The following AFF1 variants were observed in gnomAD, a reference collection of about 807,000 sequenced individuals.
The protein encoded by AFF1 is ALF transcription elongation factor 1.
A neutral mutation model predicts 121.7 loss-of-function variants in AFF1; 48 were observed. That is an observed-to-expected ratio of 0.39 (90% confidence interval 0.31 to 0.50). The LOEUF is 0.50. AFF1 is among the 20% of genes least tolerant of loss of function. The pLI, the probability that AFF1 is intolerant of heterozygous loss-of-function variation, is 0.76. For synonymous variants in AFF1, 613 were observed against 563.0 expected (o/e 1.09, Z -1.26); for missense variants, 1,523 against 1,511.7 (o/e 1.01, Z -0.12).
At chr4:87,021,649 G>GT (rs1225628342) in intron 2 of AFF1, among the ~76,000 whole-genome samples, 1 of 152,142 alleles carries the variant, frequency 6.6e-6, no homozygotes, top group Non-Finnish European at 1.5e-5. Context: ...AAAACTAATT[G>GT]TAAGTTAATT....
chr4:86,963,674 G>C (rs1010926650), intron 2 of AFF1, among the ~76,000 whole-genome samples: 4 of 151,630 alleles, frequency 2.6e-5, no homozygotes, highest in African/African-American at 9.7e-5. Context: ...AATGATCTCA[G>C]GGTTAATAAT....
At chr4:87,076,003 C>CTA (rs1490402260) in intron 4 of AFF1, among the ~76,000 whole-genome samples, 2 of 152,050 alleles carry the variant, frequency 1.3e-5, no homozygotes, top group African/African-American at 4.8e-5. Context: ...TTACTAAACC[C>CTA]TAGTTCCTGC....
chr4:87,050,479 A>G (rs944042316), intron 4 of AFF1, among the ~76,000 whole-genome samples: 3 of 152,106 alleles, frequency 2.0e-5, no homozygotes, highest in Non-Finnish European at 2.9e-5. Context: ...CTAGCCACCT[A>G]AGTGTGGATT....
rs891936998 is a variant in AFF1 at position 87,109,044 on chromosome 4, C to T, written c.1533+729C>T. Among the ~76,000 whole-genome samples the T allele has an allele frequency of 3.3e-5, 5 of 152,148 alleles. No homozygotes were observed. The East Asian group carries it at 7.7e-4, about 23-fold the overall frequency. ...ACATCTAACAGGGTTGCCAAATAAC[C>T]TCAAAATTTGGGTAGCATTGTAAAA... On this transcript the variant is annotated intron_variant, in intron 11 of 20. Coordinates refer to ENST00000395146, the MANE Select transcript of AFF1 (RefSeq NM_001166693.3).
At position 86,996,736 on chromosome 4, in the gene AFF1, AAAC is replaced by A. The variant is rs533901584; in HGVS notation, c.38+48168_38+48170del. On this transcript the variant is annotated intron_variant, in intron 2 of 20. Coordinates refer to ENST00000395146, the MANE Select transcript of AFF1 (RefSeq NM_001166693.3). ...GAATGATCAATTAAAACAAACAAAC[AAAC>A]AAAAAAACCCACAAATATTTATGTT... Among the ~76,000 whole-genome samples the A allele has an allele frequency of 2.6e-3, 392 of 152,290 alleles. 5 individuals carry two copies. The highest frequency in any genetic ancestry group is 8.2e-3 in the African/African-American group (342 of 41,548).
intron 2 of AFF1, among the ~76,000 whole-genome samples, chr4:87,025,481 C>T (rs1450863964): frequency 1.3e-5 from 2 of 152,182 alleles, no homozygotes; most frequent in African/African-American, 2.4e-5. Context: ...CAGTTCCTTC[C>T]GTCCTGCATT....
intron 2 of AFF1, among the ~76,000 whole-genome samples, chr4:86,990,168 TAA>T (rs765219253): frequency 0.062 from 1,376 of 22,056 alleles, 12 homozygotes; most frequent in Middle Eastern, 0.2. Flanking sequence ...ACTTAAATTA[TAA>T]TAATAATAAT....
At chr4:87,047,702 G>T in intron 4 of AFF1, 108 bp downstream of exon 4, 3 of 1,433,310 alleles carry the variant, frequency 2.1e-6, no homozygotes, top group Non-Finnish European at 2.9e-6. Context: ...TGGCTTTTGG[G>T]TAGGGGGAAT....
chr4:87,134,963 A>G (rs932035585), intron 20 of AFF1, among the ~76,000 whole-genome samples: 1 of 152,236 alleles, frequency 6.6e-6, no homozygotes, highest in Non-Finnish European at 1.5e-5. Context: ...CTCTGCTGTC[A>G]TTACTTCAGC....
intron 2 of AFF1, among the ~76,000 whole-genome samples, chr4:86,961,794 C>G (rs1722169829): frequency 1.3e-5 from 2 of 152,106 alleles, no homozygotes; most frequent in Admixed American, 1.3e-4. Flanking sequence ...TGGTCTGTTA[C>G]AGCATTGCAC....
At chr4:86,971,537 A>G (rs1209809951) in intron 2 of AFF1, among the ~76,000 whole-genome samples, 1 of 152,218 alleles carries the variant, frequency 6.6e-6, no homozygotes, top group African/African-American at 2.4e-5. Context: ...TGTTCCTTGC[A>G]GATGCACTGA....
rs1213306902 is a variant in AFF1 at position 87,137,813 on chromosome 4, A to G, written c.*2112A>G. The G allele has an allele frequency of 8.6e-6, 2 of 231,736 alleles. No homozygotes were observed. Among genetic ancestry groups the G allele is most frequent in the South Asian group, 1.8e-4 (1 of 5,508 alleles). 14.4% of individuals were successfully genotyped at this position (231,736 alleles called of 1,614,324 possible). A position where few individuals can be genotyped will look rare whatever the true frequency, so the allele number is the denominator to read the frequency against. ...TTCTTTTTTCCTTACTCCCTTAGCC[A>G]TCCCCTCCCCTTTTGTCCTATCATT... On this transcript the variant is annotated 3_prime_UTR_variant, in exon 21 of 21. Coordinates refer to ENST00000395146, the MANE Select transcript of AFF1 (RefSeq NM_001166693.3).
intron 4 of AFF1, among the ~76,000 whole-genome samples, chr4:87,049,356 G>T (rs1020818651): frequency 1.3e-5 from 2 of 152,068 alleles, no homozygotes; most frequent in Non-Finnish European, 2.9e-5. Flanking sequence ...TTATAAACCT[G>T]TGTAATTCAG....
chr4:87,002,309 T>G (rs1040454663), intron 2 of AFF1, among the ~76,000 whole-genome samples: 23 of 151,880 alleles, frequency 1.5e-4, no homozygotes, highest in African/African-American at 5.3e-4. Context: ...TTGCCCAGGT[T>G]GGTCTTCAAC....
At chr4:86,940,069 A>G (rs981018231) in intron 1 of AFF1, among the ~76,000 whole-genome samples, 1 of 152,206 alleles carries the variant, frequency 6.6e-6, no homozygotes, top group Non-Finnish European at 1.5e-5. Context: ...CTGTAATTCT[A>G]GCACTTTGGG....
intron 2 of AFF1, among the ~76,000 whole-genome samples, chr4:86,978,579 G>A (rs1723492016): frequency 6.6e-6 from 1 of 152,078 alleles, no homozygotes; most frequent in Admixed American, 6.5e-5. Flanking sequence ...GTCTTGCTCT[G>A]TTGCCCAAGC....
chr4:87,113,534 G>A (rs1726774282), intron 11 of AFF1, among the ~76,000 whole-genome samples: 1 of 152,188 alleles, frequency 6.6e-6, no homozygotes, highest in Non-Finnish European at 1.5e-5. Context: ...GCCTCCCAAA[G>A]CTGGGATTAT....
chr4:87,114,073 TTATAC>T (rs1238714054), intron 11 of AFF1, among the ~76,000 whole-genome samples: 1 of 152,248 alleles, frequency 6.6e-6, no homozygotes, highest in Non-Finnish European at 1.5e-5. Context: ...TCTGTTTAAA[TTATAC>T]TATAATTACC....
chr4:86,953,058 TA>T (rs1156741952), intron 2 of AFF1, among the ~76,000 whole-genome samples: 1 of 150,592 alleles, frequency 6.6e-6, no homozygotes, highest in Non-Finnish European at 1.5e-5. Flanking sequence ...TTCTATGACA[TA>T]TTTTTTTTGT....
Sources: gnomAD v4.1 joint callset for allele counts (sites outside exome capture counted in the v4.1 genomes callset) on GRCh38, gnomAD v4.1.1 for gene constraint, MANE v1.5 for transcripts, NCBI Gene and HGNC (gene_info 2026-07-23, HGNC 2026-07-21) for gene names.